MSRA: variants seen among roughly 807,000 people sequenced by gnomAD.
MSRA encodes the protein mitochondrial peptide methionine sulfoxide reductase.
A neutral mutation model predicts 31.3 loss-of-function variants in MSRA; 54 were observed. That is an observed-to-expected ratio of 1.73 (90% CI 1.39 to 2.17). MSRA has a LOEUF of 2.17. Ranked by LOEUF, MSRA falls within the 30% of genes most tolerant of loss-of-function variation. The probability of loss-of-function intolerance (pLI) is 0.00; values close to 1 mark genes in which losing one functional copy is unlikely to be tolerated. For missense variants in MSRA, 507 were observed against 300.9 expected, an observed-to-expected ratio of 1.69 and a Z score of -5.07; for synonymous variants, 169 against 116.5, an observed-to-expected ratio of 1.45 and a Z score of -2.90.
chr8:10,363,738 C>CCACCCACACACACACACACACACA (rs1804991922), intron 5 of MSRA, among the ~76,000 whole-genome samples: 1 of 103,288 alleles, frequency 9.7e-6, no homozygotes, highest in Non-Finnish European at 1.9e-5. Flanking sequence ...GATGCAGTCA[C>CCACCCACACACACACACACACACA]CACACACACA....
At chr8:10,209,412 TA>T (rs1809284441) in intron 2 of MSRA, among the ~76,000 whole-genome samples, 1 of 152,256 alleles carries the variant, frequency 6.6e-6, no homozygotes, top group African/African-American at 2.4e-5. Context: ...GATATTGAAG[TA>T]AAACTTCTTT....
intron 3 of MSRA, among the ~76,000 whole-genome samples, chr8:10,267,026 G>C (rs973368536): frequency 6.6e-6 from 1 of 152,190 alleles, no homozygotes; most frequent in East Asian, 1.9e-4. Context: ...ATTATAGTTT[G>C]TTGCATTTCT....
intron 1 of MSRA, among the ~76,000 whole-genome samples, chr8:10,062,217 G>C (rs597586): frequency 6.6e-6 from 1 of 152,196 alleles, no homozygotes; most frequent in African/African-American, 2.4e-5. Flanking sequence ...AGATGGCCAG[G>C]CTCCTTCCCA....
chr8:10,139,651 G>C (rs1802541537), intron 1 of MSRA, among the ~76,000 whole-genome samples: 1 of 152,220 alleles, frequency 6.6e-6, no homozygotes, highest in Admixed American at 6.5e-5. Flanking sequence ...TTTCACTTAA[G>C]ATAATGGCCA....
intron 1 of MSRA, among the ~76,000 whole-genome samples, chr8:10,083,256 T>A (rs1224077326): frequency 1.3e-5 from 2 of 152,250 alleles, no homozygotes; most frequent in African/African-American, 4.8e-5. Context: ...CAAGTTACTT[T>A]GAATTAGTCA....
chr8:10,321,608 A>G (rs1018251808), intron 5 of MSRA, among the ~76,000 whole-genome samples: 5 of 152,186 alleles, frequency 3.3e-5, no homozygotes, highest in African/African-American at 1.2e-4. Context: ...CTCACTTCTA[A>G]TGAATGACAG....
intron 3 of MSRA, among the ~76,000 whole-genome samples, chr8:10,257,981 G>C (rs1035345760): frequency 6.6e-6 from 1 of 152,204 alleles, no homozygotes; most frequent in African/African-American, 2.4e-5. Flanking sequence ...ATATGAGCTT[G>C]GAGATAGAAA....
chr8:10,314,035 A>G (rs1196113537), intron 4 of MSRA, among the ~76,000 whole-genome samples: 1 of 152,234 alleles, frequency 6.6e-6, no homozygotes, highest in African/African-American at 2.4e-5. Context: ...ATAAATGTCA[A>G]AGGCAAACGT....
At chr8:10,213,848 G>A (rs1809742358) in intron 2 of MSRA, among the ~76,000 whole-genome samples, 1 of 152,146 alleles carries the variant, frequency 6.6e-6, no homozygotes, top group South Asian at 2.1e-4. Flanking sequence ...ATACTCAGCA[G>A]TGGGATTGCT....
intron 5 of MSRA, among the ~76,000 whole-genome samples, chr8:10,423,016 G>A (rs1036147879): frequency 5.3e-5 from 8 of 152,206 alleles, no homozygotes; most frequent in African/African-American, 1.9e-4. Flanking sequence ...CAGTGTTTCT[G>A]GTGACATCCC....
In MSRA at chr8:10,310,927, A is replaced by G. The variant is rs182521468; in HGVS notation, c.437-8956A>G. Among the ~76,000 whole-genome samples, 395 of 152,372 alleles carry G rather than the reference A, an allele frequency of 2.6e-3. 5 individuals are homozygous for G. The highest frequency in any genetic ancestry group is 8.8e-3 in the African/African-American group (366 of 41,584). On this transcript the variant is annotated intron_variant, in intron 4 of 5. Coordinates refer to ENST00000317173, the MANE Select transcript of MSRA (RefSeq NM_012331.5). Reference sequence around the variant, plus strand: ...ATCCTATTAAGGATTTGCAAGATGAAGAAGTCCAAATAATCAGGCTTTTGA... The same window carrying G: ...ATCCTATTAAGGATTTGCAAGATGAGGAAGTCCAAATAATCAGGCTTTTGA...
chr8:10,120,821 A>G (rs966996699), intron 1 of MSRA, among the ~76,000 whole-genome samples: 1 of 152,200 alleles, frequency 6.6e-6, no homozygotes, highest in Non-Finnish European at 1.5e-5. Flanking sequence ...TGGCTAGCCT[A>G]CATGGTTTCG....
intron 1 of MSRA, among the ~76,000 whole-genome samples, chr8:10,122,747 A>T (rs1265046900): frequency 1.3e-5 from 2 of 152,058 alleles, no homozygotes; most frequent in Non-Finnish European, 2.9e-5. Flanking sequence ...CCATGTGTTC[A>T]CATCATTTAG....
intron 1 of MSRA, among the ~76,000 whole-genome samples, chr8:10,183,875 T>C (rs10094809): frequency 0.025 from 3,779 of 150,340 alleles, 147 homozygotes; most frequent in African/African-American, 0.089. Flanking sequence ...TTGTTGGTTT[T>C]GTTGGTATAG....
intron 1 of MSRA, among the ~76,000 whole-genome samples, chr8:10,102,226 A>T (rs1310880721): frequency 2.6e-5 from 4 of 152,220 alleles, no homozygotes; most frequent in Admixed American, 6.5e-5. Flanking sequence ...ATACTTCCCC[A>T]GGTGTGCCCT....
In MSRA at chr8:10,339,570, C is replaced by A. The variant is rs1360485605; in HGVS notation, c.543+19581C>A. Reference sequence around the variant, plus strand: ...TTTTTTTTTTTTTCTGAGACGGAATCTCGTTCTGTCGCCCAGGCTGGAGTG... The same window carrying A: ...TTTTTTTTTTTTTCTGAGACGGAATATCGTTCTGTCGCCCAGGCTGGAGTG... On this transcript the variant is annotated intron_variant, in intron 5 of 5. Transcript: ENST00000317173. Among the ~76,000 whole-genome samples the A allele has an allele frequency of 4.5e-5, 5 of 110,130 alleles. No individual in the cohort carries two copies. The East Asian group carries it at 1.7e-3, about 36-fold the overall frequency. The allele number at this position is 110,130 out of a possible 152,430, so 72.2% of individuals were successfully genotyped here.
At position 10,285,109 on chromosome 8, in the gene MSRA, GCCCATT is replaced by G. The variant is rs1375166014; in HGVS notation, c.332-16421_332-16416del. Among the ~76,000 whole-genome samples the G allele has an allele frequency of 1.3e-5, 2 of 151,060 alleles. 1 individual carries two copies. Among genetic ancestry groups the G allele is most frequent in the Non-Finnish European group, 2.9e-5 (2 of 67,936 alleles). Reference sequence around the variant, plus strand: ...TAAGTGTATTGTTCAGCAGTATGGAGCCCATTCCCTTCGTCGTGCAGTCATCACCAC... The same window carrying G: ...TAAGTGTATTGTTCAGCAGTATGGAGCCCTTCGTCGTGCAGTCATCACCAC... On this transcript the variant is annotated intron_variant, in intron 3 of 5. Coordinates refer to ENST00000317173, the MANE Select transcript of MSRA (RefSeq NM_012331.5).
intron 1 of MSRA, among the ~76,000 whole-genome samples, chr8:10,107,083 A>G (rs1799937066): frequency 1.3e-5 from 2 of 152,158 alleles, no homozygotes; most frequent in African/African-American, 4.8e-5. Context: ...GCCATCACCC[A>G]GCTGATGATA....
At chr8:10,119,249 C>T (rs1255863360) in intron 1 of MSRA, among the ~76,000 whole-genome samples, 1 of 152,152 alleles carries the variant, frequency 6.6e-6, no homozygotes, top group Non-Finnish European at 1.5e-5. Flanking sequence ...TATAATTTGT[C>T]CATAAAATGC....
Sources: allele counts gnomAD v4.1 joint callset (sites outside exome capture counted in the v4.1 genomes callset), GRCh38; gene constraint gnomAD v4.1.1; transcripts MANE v1.5; gene names NCBI Gene and HGNC (gene_info 2026-07-23, HGNC 2026-07-21).